Variants in PPFIA1 observed in about 807,000 individuals in gnomAD.
PPFIA1 encodes the protein liprin-alpha-1.
In PPFIA1, 25 loss-of-function variants were observed where a neutral mutation model predicts 149.9. That is an observed-to-expected ratio of 0.17 (90% CI 0.12 to 0.23). The LOEUF (loss-of-function observed/expected upper bound fraction) is 0.23. Among genes scored for constraint, PPFIA1 ranks in the 10% least tolerant of loss-of-function variants. The pLI, the probability that PPFIA1 is intolerant of heterozygous loss-of-function variation, is 1.00. For synonymous variants in PPFIA1, 549 were observed against 552.8 expected (o/e 0.99, Z 0.10); for missense variants, 1,362 against 1,506.5 (o/e 0.90, Z 1.59).
chr11:70,331,372 A>G (rs557951921), intron 8 of PPFIA1, among the ~76,000 whole-genome samples: 1 of 152,178 alleles, frequency 6.6e-6, no homozygotes, highest in Non-Finnish European at 1.5e-5. Context: ...TCTTTAAACA[A>G]ACAAAAAAAA....
At chr11:70,329,521 A>T (rs1207752515) in intron 7 of PPFIA1, among the ~76,000 whole-genome samples, 1 of 152,060 alleles carries the variant, frequency 6.6e-6, no homozygotes, top group Non-Finnish European at 1.5e-5. Flanking sequence ...ATCATAGCTC[A>T]CTGCAGCCTT....
At chr11:70,362,953 A>T in intron 21 of PPFIA1, 1 of 153,076 alleles carries the variant, frequency 6.5e-6, no homozygotes, top group East Asian at 1.9e-4. Context: ...AATCAGTCTA[A>T]GGGCCTCTTG....
intron 19 of PPFIA1, among the ~76,000 whole-genome samples, chr11:70,359,920 G>A (rs1378204507): frequency 2.0e-5 from 3 of 152,216 alleles, no homozygotes; most frequent in African/African-American, 7.2e-5. Context: ...GCATCCCCTC[G>A]ACACAGGGGC....
At chr11:70,330,533 T>C (rs2136925990) in intron 8 of PPFIA1, among the ~76,000 whole-genome samples, 1 of 152,352 alleles carries the variant, frequency 6.6e-6, no homozygotes, top group South Asian at 2.1e-4. Context: ...GTTTTTTCTT[T>C]TGTTGTAATT....
intron 17 of PPFIA1, among the ~76,000 whole-genome samples, chr11:70,355,324 T>C (rs7122057): frequency 0.23 from 34,241 of 151,914 alleles, 5,968 homozygotes; most frequent in African/African-American, 0.49. Flanking sequence ...CTCAGCTGAG[T>C]AGAGTAATGC....
chr11:70,345,950 C>T (rs967631139), intron 15 of PPFIA1: 1 of 454,692 alleles, frequency 2.2e-6, no homozygotes, highest in Admixed American at 2.4e-5. Context: ...TGCACGGCTC[C>T]ACTCCAGTGT....
At chr11:70,317,414 G>A (rs944145363) in intron 2 of PPFIA1, among the ~76,000 whole-genome samples, 1 of 152,098 alleles carries the variant, frequency 6.6e-6, no homozygotes, top group African/African-American at 2.4e-5. Flanking sequence ...AGAGAGAAAG[G>A]TTTTTTTCTT....
intron 2 of PPFIA1, among the ~76,000 whole-genome samples, chr11:70,318,042 C>A (rs182588067): frequency 6.6e-6 from 1 of 152,282 alleles, no homozygotes; most frequent in Non-Finnish European, 1.5e-5. Flanking sequence ...AGCTCCCTTG[C>A]CTCTTCCACT....
Position 70,325,544 on chromosome 11 carries a change from A to G in PPFIA1, c.576A>G (p.Leu192=). The G allele has an allele frequency of 6.3e-7, 1 of 1,593,260 alleles. No individual in the cohort carries two copies. The highest frequency in any genetic ancestry group is 8.6e-7 in the Non-Finnish European group (1 of 1,161,144). ...TAGCACTTGAAAGATGTAGTTTGTTAGAAGAGGAATTAGGTGCCACACACA... is the reference window on the plus strand; with the variant it reads ...TAGCACTTGAAAGATGTAGTTTGTTGGAAGAGGAATTAGGTGCCACACACA... ...LRVALERCSL[L]EEELGATHKE... Residue 192 remains leucine, a synonymous_variant, in exon 5 of 28, where the codon TTA becomes TTG. Coordinates refer to ENST00000253925, the MANE Select transcript of PPFIA1 (RefSeq NM_003626.5).
intron 23 of PPFIA1, chr11:70,374,210 C>CA (rs1385601122): frequency 6.6e-6 from 1 of 152,026 alleles, no homozygotes; most frequent in Non-Finnish European, 1.5e-5. Context: ...CCTGTCAGTA[C>CA]AAAAAAATTA....
intron 5 of PPFIA1, 88 bp downstream of exon 5, chr11:70,325,662 T>C: frequency 9.4e-7 from 1 of 1,063,794 alleles, no homozygotes; most frequent in Non-Finnish European, 1.4e-6. Flanking sequence ...CCAGACGTGG[T>C]GGCTCACACC....
chr11:70,299,513 C>T (rs2052329323), intron 2 of PPFIA1, among the ~76,000 whole-genome samples: 1 of 152,174 alleles, frequency 6.6e-6, no homozygotes, highest in Non-Finnish European at 1.5e-5. Context: ...TCTGAACAAA[C>T]CCTCTCCTCG....
In PPFIA1 at chr11:70,301,938, G is replaced by A. The variant is rs559130294; in HGVS notation, c.265-22464G>A. Among the ~76,000 whole-genome samples, 109 of 152,352 alleles carry A rather than the reference G, an allele frequency of 7.2e-4. 1 individual carries two copies. The highest frequency in any genetic ancestry group is 1.2e-3 in the Non-Finnish European group (81 of 68,044). On this transcript the variant is annotated intron_variant, in intron 2 of 27. Coordinates refer to ENST00000253925, the MANE Select transcript of PPFIA1 (RefSeq NM_003626.5). ...TCAGTTAATTCCATATGCAGTGACCGTGTGAACATGGCTGCTTTGCTCGGT... is the reference window on the plus strand; with the variant it reads ...TCAGTTAATTCCATATGCAGTGACCATGTGAACATGGCTGCTTTGCTCGGT...
intron 15 of PPFIA1, among the ~76,000 whole-genome samples, chr11:70,346,998 C>G (rs2055742320): frequency 6.6e-6 from 1 of 152,094 alleles, no homozygotes; most frequent in Non-Finnish European, 1.5e-5. Context: ...TGGCATGAAT[C>G]CAGAAATTTA....
rs146577732 is a variant in PPFIA1 at position 70,362,272 on chromosome 11, C to T, written c.2665-16C>T. On this transcript the variant is annotated splice_polypyrimidine_tract_variant and intron_variant, in intron 20 of 27. Coordinates refer to ENST00000253925, the MANE Select transcript of PPFIA1 (RefSeq NM_003626.5). Reference sequence around the variant, plus strand: ...GTACCTCACTGTGCTGCCTTCCTTCCGCTTTCCGCCTCCAGCTCTGGGTTG... The same window carrying T: ...GTACCTCACTGTGCTGCCTTCCTTCTGCTTTCCGCCTCCAGCTCTGGGTTG... 82 of 1,613,922 alleles carry T rather than the reference C, an allele frequency of 5.1e-5. No homozygotes were observed. The highest frequency in any genetic ancestry group is 1.6e-4 in the African/African-American group (12 of 75,052).
chr11:70,284,219 C>G (rs1456181328), intron 2 of PPFIA1: 1 of 395,624 alleles, frequency 2.5e-6, no homozygotes, highest in Non-Finnish European at 4.9e-6. Flanking sequence ...AGATGGTGCC[C>G]CCTCATCTGC....
intron 19 of PPFIA1, among the ~76,000 whole-genome samples, chr11:70,356,641 T>C (rs1184769800): frequency 1.3e-5 from 2 of 152,208 alleles, no homozygotes; most frequent in African/African-American, 4.8e-5. Context: ...ATACCTTGTA[T>C]GGCTTTTATG....
At chr11:70,326,092 C>T (rs1467121281) in intron 5 of PPFIA1, among the ~76,000 whole-genome samples, 170 bp from the exon 6 acceptor site, 1 of 152,126 alleles carries the variant, frequency 6.6e-6, no homozygotes, top group Non-Finnish European at 1.5e-5. Flanking sequence ...TAATAAATTC[C>T]ATCTTCAATG....
At chr11:70,361,215 A>G (rs893286293) in intron 19 of PPFIA1, among the ~76,000 whole-genome samples, 11 of 152,140 alleles carry the variant, frequency 7.2e-5, no homozygotes, top group African/African-American at 2.7e-4. Flanking sequence ...GAAAATGATG[A>G]GCATGTATAG....
Sources: gnomAD v4.1 joint callset for allele counts (sites outside exome capture counted in the v4.1 genomes callset) on GRCh38, gnomAD v4.1.1 for gene constraint, MANE v1.5 for transcripts, NCBI Gene and HGNC (gene_info 2026-07-23, HGNC 2026-07-21) for gene names.